The following FGGY variants were observed in gnomAD, a reference collection of about 807,000 sequenced individuals.
FGGY encodes the protein FGGY carbohydrate kinase domain-containing protein.
Under a neutral mutation model 71.3 loss-of-function variants are expected in FGGY, and 72 were observed. The ratio of observed to expected loss-of-function variants is 1.01; its 90% CI spans 0.84 to 1.23. The LOEUF is 1.23. Ranked by LOEUF, FGGY falls within the 50% of genes most tolerant of loss-of-function variation. The pLI, the probability that FGGY is intolerant of heterozygous loss-of-function variation, is 0.00. For synonymous variants in FGGY, 251 were observed against 250.3 expected, an observed-to-expected ratio of 1.00 and a Z score of -0.02; for missense variants, 668 against 682.3, an observed-to-expected ratio of 0.98 and a Z score of 0.23.
intron 7 of FGGY, among the ~76,000 whole-genome samples, chr1:59,524,489 T>C (rs1440200088): frequency 1.3e-5 from 2 of 152,168 alleles, no homozygotes; most frequent in Non-Finnish European, 2.9e-5. Context: ...CTTGTGTTGC[T>C]TTTTCTGGGT....
intron 5 of FGGY, among the ~76,000 whole-genome samples, chr1:59,397,278 C>T (rs184721698): frequency 6.6e-6 from 1 of 152,128 alleles, no homozygotes; most frequent in Admixed American, 6.6e-5. Flanking sequence ...TATTCCATTC[C>T]ACGGCTACCA....
intron 7 of FGGY, among the ~76,000 whole-genome samples, chr1:59,536,177 A>C (rs918827241): frequency 7.2e-5 from 11 of 151,916 alleles, no homozygotes; most frequent in African/African-American, 2.7e-4. Context: ...AATACAAACT[A>C]CCATCAGAGA....
chr1:59,649,924 C>A (rs1404581304), intron 11 of FGGY, among the ~76,000 whole-genome samples: 1 of 144,242 alleles, frequency 6.9e-6, no homozygotes, highest in African/African-American at 2.8e-5. Flanking sequence ...AAATACGTCC[C>A]ATCAATACCT....
intron 14 of FGGY, among the ~76,000 whole-genome samples, chr1:59,736,021 G>C (rs1438461862): frequency 1.3e-5 from 2 of 152,118 alleles, no homozygotes; most frequent in Non-Finnish European, 2.9e-5. Flanking sequence ...CATGGGGGCA[G>C]GTCTTTCCCA....
chr1:59,483,415 A>G (rs1180984901), intron 6 of FGGY, among the ~76,000 whole-genome samples: 1 of 152,184 alleles, frequency 6.6e-6, no homozygotes, highest in Non-Finnish European at 1.5e-5. Context: ...TATGGAGAAA[A>G]CAGATGATTA....
In FGGY at chr1:59,591,264, A is replaced by C. The variant is rs559160309; in HGVS notation, c.904-16539A>C. ...GAAGGACCTCATCAAGGAGAACTAC[A>C]AACCACTGCTCAATGAAATAAAAGA... On this transcript the variant is annotated intron_variant, in intron 8 of 15. Coordinates refer to ENST00000303721, the MANE Select transcript of FGGY (RefSeq NM_018291.5). Among the ~76,000 whole-genome samples the C allele has an allele frequency of 4.9e-3, 747 of 152,328 alleles. 8 individuals carry two copies. The highest frequency in any genetic ancestry group is 0.017 in the African/African-American group (708 of 41,574).
Position 59,660,211 on chromosome 1 carries a change from G to C in FGGY, c.1222-8G>C, listed in dbSNP as rs115737102. On this transcript the variant is annotated splice_polypyrimidine_tract_variant and splice_region_variant and intron_variant, in intron 11 of 15. Coordinates refer to ENST00000303721, the MANE Select transcript of FGGY (RefSeq NM_018291.5). The stretch of plus-strand genomic sequence containing the variant: ...CATCTTCTTCTTTTCTTCCCTTCAT[G>C]CCTGCAGGTCACCGGATTGAAACTG... 402 of 1,612,896 alleles carry C rather than the reference G, an allele frequency of 2.5e-4. 2 individuals are homozygous for C. The Middle Eastern group carries it at 4.6e-3, about 19-fold the overall frequency.
rs568118795 is a variant in FGGY, at chr1:59,676,959, AT to A, written c.1512+2834del. ...CTTGTTTTATTTGTCTGTTTTATGT[AT>A]TTTTTTTAATGTTTAAATAAGAATT... On this transcript the variant is annotated intron_variant, in intron 14 of 15. Transcript: ENST00000303721. Among the ~76,000 whole-genome samples the A allele has an allele frequency of 9.9e-5, 15 of 151,808 alleles. No individual in the cohort carries two copies. The South Asian group carries it at 1.0e-3, about 11-fold the overall frequency.
At position 59,546,535 on chromosome 1, in the gene FGGY, G is replaced by GATT. The variant is rs747576612; in HGVS notation, c.800-7573_800-7571dup. 3.5e-3 allele frequency among the ~76,000 whole-genome samples: 452 copies of GATT among 129,228 alleles called. 3 individuals carry two copies. Among genetic ancestry groups the GATT allele is most frequent in the East Asian group, 5.9e-3 (23 of 3,930 alleles). 84.8% of individuals were successfully genotyped at this position (129,228 alleles called of 152,430 possible). On this transcript the variant is annotated intron_variant, in intron 7 of 15. Coordinates refer to ENST00000303721, the MANE Select transcript of FGGY (RefSeq NM_018291.5). Reference sequence around the variant, plus strand: ...TGATGATGATGATGATGATGATGATGATTATTATTATTATTATTTGAGACG... The same window carrying GATT: ...TGATGATGATGATGATGATGATGATGATTATTATTATTATTATTATTTGAGACG...
chr1:59,555,551 C>A (rs1230599064), intron 8 of FGGY, among the ~76,000 whole-genome samples: 1 of 152,224 alleles, frequency 6.6e-6, no homozygotes, highest in Non-Finnish European at 1.5e-5. Flanking sequence ...GTTGTTGTTA[C>A]TGAGCAGAAA....
rs2091775463 is a variant in FGGY, at chr1:59,457,066, C to T, written c.660C>T (p.Tyr220=). The change falls in exon 6 of 16, where the codon TAC becomes TAT. Residue 220 remains tyrosine (Y), a synonymous_variant. Transcript: ENST00000303721. The part of the protein sequence containing the change: ...IGLEDFVADN[Y]SKIGNQVLPP... The stretch of plus-strand genomic sequence containing the variant: ...TGGAAGACTTTGTTGCAGATAATTA[C>T]AGCAAAATAGGTAAAAGAATAAAAC... 6.2e-7 allele frequency: 1 copy of T among 1,610,354 alleles called. No homozygotes were observed. The highest frequency in any genetic ancestry group is 8.5e-7 in the Non-Finnish European group (1 of 1,176,670).
At chr1:59,543,216 G>T (rs1381507489) in intron 7 of FGGY, among the ~76,000 whole-genome samples, 1 of 152,114 alleles carries the variant, frequency 6.6e-6, no homozygotes, top group Non-Finnish European at 1.5e-5. Flanking sequence ...CCTGCTTAGG[G>T]TTTTGTTTTG....
At chr1:59,549,923 A>G (rs1238646153) in intron 7 of FGGY, among the ~76,000 whole-genome samples, 1 of 152,162 alleles carries the variant, frequency 6.6e-6, no homozygotes, top group Non-Finnish European at 1.5e-5. Flanking sequence ...CATTCTTTTT[A>G]AACATTGCTT....
intron 14 of FGGY, among the ~76,000 whole-genome samples, chr1:59,736,223 T>G (rs545847922): frequency 6.0e-4 from 91 of 152,282 alleles, no homozygotes; most frequent in African/African-American, 2.2e-3. Flanking sequence ...TTAAACCTCT[T>G]TCTTTTGTAA....
chr1:59,494,328 A>T (rs748025703), intron 6 of FGGY, among the ~76,000 whole-genome samples: 1 of 152,172 alleles, frequency 6.6e-6, no homozygotes, highest in Non-Finnish European at 1.5e-5. Flanking sequence ...TGTGACATCA[A>T]TGTGGAGATG....
chr1:59,719,421 G>A (rs2097869105), intron 14 of FGGY, among the ~76,000 whole-genome samples: 1 of 152,112 alleles, frequency 6.6e-6, no homozygotes, highest in Admixed American at 6.5e-5. Context: ...TTTCTCATTT[G>A]TAAAATGGAG....
At chr1:59,449,916 G>A (rs898796705) in intron 5 of FGGY, among the ~76,000 whole-genome samples, 10 of 152,156 alleles carry the variant, frequency 6.6e-5, no homozygotes, top group African/African-American at 2.2e-4. Flanking sequence ...GCTGCAGTCA[G>A]TCCTCATCAT....
At chr1:59,538,035 G>C (rs1400497809) in intron 7 of FGGY, among the ~76,000 whole-genome samples, 10 of 152,090 alleles carry the variant, frequency 6.6e-5, no homozygotes, top group Non-Finnish European at 1.3e-4. Context: ...CACAGCAAAA[G>C]AAACTACCAT....
chr1:59,525,312 G>A (rs1402034632), intron 7 of FGGY, among the ~76,000 whole-genome samples: 2 of 152,142 alleles, frequency 1.3e-5, no homozygotes, highest in Non-Finnish European at 2.9e-5. Context: ...CGTGAGCTGA[G>A]CCCAGCCTGC....
Sources: allele counts gnomAD v4.1 joint callset (sites outside exome capture counted in the v4.1 genomes callset), GRCh38; gene constraint gnomAD v4.1.1; transcripts MANE v1.5; gene names NCBI Gene and HGNC (gene_info 2026-07-23, HGNC 2026-07-21).